PPL: variants seen among roughly 807,000 people sequenced by gnomAD.
PPL encodes the protein 190 kDa paraneoplastic pemphigus antigen.
In PPL, 198 loss-of-function variants were observed where a neutral mutation model predicts 194.4. The ratio of observed to expected loss-of-function variants is 1.02; its 90% CI spans 0.91 to 1.15. The LOEUF is 1.15. Among genes scored for constraint, PPL ranks in the 50% most tolerant of loss-of-function variants. The pLI is 0.00. For missense variants in PPL, 2,885 were observed against 2,294.8 expected (o/e 1.26, Z -5.25); for synonymous variants, 1,220 against 972.4 (o/e 1.25, Z -4.74).
intron 5 of PPL, 34 bp from the exon 6 acceptor site, chr16:4,900,905 A>G: frequency 5.0e-6 from 8 of 1,614,070 alleles, no homozygotes; most frequent in Non-Finnish European, 6.8e-6. Flanking sequence ...GGTCAGGGCC[A>G]GGAAGCAGGC....
intron 18 of PPL, 52 bp from the exon 19 acceptor site, chr16:4,889,113 AGC>A: frequency 6.7e-7 from 1 of 1,481,932 alleles, no homozygotes; most frequent in Non-Finnish European, 9.4e-7. Context: ...AATTTAAAAA[AGC>A]AACCATGGAT....
intron 1 of PPL, among the ~76,000 whole-genome samples, chr16:4,911,758 G>C (rs779601714): frequency 1.3e-5 from 2 of 151,902 alleles, no homozygotes; most frequent in Non-Finnish European, 2.9e-5. Flanking sequence ...GGCTGGTCTC[G>C]AACTCCTGAG....
At chr16:4,918,612 G>A (rs1007919867) in intron 1 of PPL, among the ~76,000 whole-genome samples, 1 of 152,150 alleles carries the variant, frequency 6.6e-6, no homozygotes, top group Non-Finnish European at 1.5e-5. Flanking sequence ...GTTACAGATG[G>A]GGAAATTGAG....
intron 4 of PPL, 133 bp from the exon 5 acceptor site, chr16:4,901,222 A>T (rs2088562589): frequency 1.0e-5 from 10 of 977,258 alleles, no homozygotes; most frequent in Non-Finnish European, 1.5e-5. Flanking sequence ...CCACAAGGAG[A>T]TGCTGGCCAC....
At chr16:4,933,094 C>G (rs1204430720) in intron 1 of PPL, among the ~76,000 whole-genome samples, 2 of 151,992 alleles carry the variant, frequency 1.3e-5, no homozygotes, top group Non-Finnish European at 2.9e-5. Flanking sequence ...CTCTGCCTCC[C>G]AGGTTCAAGG....
chr16:4,909,876 T>C (rs1178747455), intron 2 of PPL, among the ~76,000 whole-genome samples: 1 of 152,222 alleles, frequency 6.6e-6, no homozygotes, highest in Non-Finnish European at 1.5e-5. Flanking sequence ...TACTAAAACA[T>C]GATTTGTGTT....
intron 6 of PPL, among the ~76,000 whole-genome samples, chr16:4,900,503 G>A (rs1488288589): frequency 2.1e-5 from 3 of 142,998 alleles, no homozygotes; most frequent in Non-Finnish European, 3.0e-5. Flanking sequence ...GGAGTGGCAC[G>A]ATCACAGCTC....
chr16:4,906,820 C>G (rs1255261624), intron 2 of PPL, among the ~76,000 whole-genome samples: 1 of 152,224 alleles, frequency 6.6e-6, no homozygotes, highest in Non-Finnish European at 1.5e-5. Flanking sequence ...GCTTTCTAGA[C>G]AGTTACCCAT....
chr16:4,889,660 G>A (rs2088283952), intron 18 of PPL, among the ~76,000 whole-genome samples: 1 of 152,176 alleles, frequency 6.6e-6, no homozygotes, highest in Admixed American at 6.5e-5. Flanking sequence ...CTGTTCTGCT[G>A]TCTGACTTAG....
intron 6 of PPL, among the ~76,000 whole-genome samples, chr16:4,900,434 C>CTTTTTTTTTTTGTTT (rs2088538309): frequency 1.6e-5 from 1 of 61,678 alleles, no homozygotes; most frequent in Non-Finnish European, 3.1e-5. Context: ...TACTGCACGC[C>CTTTTTTTTTTTGTTT]TTTTTTTTTT....
At chr16:4,928,921 G>C (rs912165516) in intron 1 of PPL, among the ~76,000 whole-genome samples, 2 of 146,270 alleles carry the variant, frequency 1.4e-5, no homozygotes, top group African/African-American at 5.0e-5. Flanking sequence ...TGAGGCAGGA[G>C]AATCACTTGA....
chr16:4,899,154 C>T (rs749149899), intron 7 of PPL, 34 bp from the exon 8 acceptor site: 1 of 1,613,516 alleles, frequency 6.2e-7, no homozygotes, highest in African/African-American at 1.3e-5. Context: ...GCCTCAGTGC[C>T]CAGCCTGGCG....
In PPL at chr16:4,885,472, C is replaced by G. The variant is rs1443417972; in HGVS notation, c.3183G>C (p.Gln1061His). The G allele has an allele frequency of 3.1e-6, 5 of 1,612,404 alleles. No individual in the cohort carries two copies. Among genetic ancestry groups the G allele is most frequent in the Non-Finnish European group, 4.2e-6 (5 of 1,180,010 alleles). ...KVTEKEVVKL[Q>H]NDPQLEAEYQ... The stretch of plus-strand genomic sequence containing the variant: ...ACTCTGCCTCCAGCTGGGGGTCATT[C>G]TGCAGTTTCACCACCTCTTTCTCTG... Residue 1061 changes from glutamine to histidine, a missense_variant, in exon 22 of 22, where the codon CAG becomes CAC. Transcript: ENST00000345988. This position sits in a 1 kb window ranked among gnomAD's most constrained non-coding sequence, Gnocchi z 6.3.
intron 1 of PPL, among the ~76,000 whole-genome samples, chr16:4,931,569 C>T (rs1166176889): frequency 2.6e-5 from 4 of 152,126 alleles, no homozygotes; most frequent in Non-Finnish European, 4.4e-5. Flanking sequence ...CAAGACAGGC[C>T]GGGGCAGGCA....
At position 4,937,088 on chromosome 16, in the gene PPL, C is replaced by A. The variant is rs747555338; in HGVS notation, c.-43G>T. 3.6e-5 allele frequency: 45 copies of A among 1,242,472 alleles called. 1 individual carries two copies. In the South Asian group the frequency reaches 9.7e-4, roughly 27 times the overall value. 77.0% of individuals were successfully genotyped at this position (1,242,472 alleles called of 1,614,324 possible). On this transcript the variant is annotated 5_prime_UTR_variant, in exon 1 of 22. Coordinates refer to ENST00000345988, the MANE Select transcript of PPL (RefSeq NM_002705.5). ...GGGCGGCGGCGGCTGGCGGGCCGGG[C>A]GCGCACCGAGGGGCGGGCGGGAGCG... is the stretch of plus-strand genomic sequence containing the variant.
In PPL at chr16:4,894,477, G is replaced by A. The variant is rs905322634; in HGVS notation, c.1384C>T (p.Leu462=). ...CCTTTGCCCTTGTACCTGTCAGCCA[G>A]AGCCAGGGCCTCAGGGTCTGTGGGG... ...IPPTDPEALA[L]ADSLGSQYRS... The change falls in exon 12 of 22, where the codon CTG becomes TTG. Residue 462 remains leucine (L), a synonymous_variant. Coordinates refer to ENST00000345988, the MANE Select transcript of PPL (RefSeq NM_002705.5). 2 of 1,613,862 alleles carry A rather than the reference G, an allele frequency of 1.2e-6. No homozygotes were observed. The highest frequency in any genetic ancestry group is 1.7e-6 in the Non-Finnish European group (2 of 1,179,962).
chr16:4,885,049 G>C lies in PPL; in HGVS notation c.3606C>G (p.Tyr1202Ter), dbSNP rs2088188479. The change falls in exon 22 of 22, where the codon TAC (tyrosine) becomes TAG (stop). Residue 1202 changes from tyrosine (Y) to a stop codon, truncating the protein, a stop_gained. Transcript: ENST00000345988. LOFTEE classifies it high-confidence loss of function. The surrounding 1 kb of genome is among the most constrained non-coding windows in gnomAD (Gnocchi z 6.3). The part of the protein sequence containing the change: ...RLELVEQERK[Y>*]RGAEEQLRSY... ...TCCGGAGCTGCTCCTCGGCACCCCGGTACTTTCGCTCCTGCTCCACAAGCT... is the reference window on the plus strand; with the variant it reads ...TCCGGAGCTGCTCCTCGGCACCCCGCTACTTTCGCTCCTGCTCCACAAGCT... 1 of 1,613,444 alleles carries C rather than the reference G, an allele frequency of 6.2e-7. No homozygotes were observed. The highest frequency in any genetic ancestry group is 8.5e-7 in the Non-Finnish European group (1 of 1,180,032).
At chr16:4,890,956 G>A in intron 16 of PPL, 35 bp from the exon 17 acceptor site, 1 of 1,477,790 alleles carries the variant, frequency 6.8e-7, no homozygotes, top group Non-Finnish European at 9.0e-7. Flanking sequence ...CGGTGCTACG[G>A]CCAGAGCTCC....
Position 4,886,223 on chromosome 16 carries a change from G to T in PPL, c.2608-176C>A, listed in dbSNP as rs1284044980. On this transcript the variant is annotated intron_variant, in intron 21 of 21. Coordinates refer to ENST00000345988, the MANE Select transcript of PPL (RefSeq NM_002705.5). ...CAAAAAGGATCAAACAACTAGTTTG[G>T]GGTTTTTTTTAATCAGGTAAAACAT... 3.5e-5 allele frequency among the ~76,000 whole-genome samples: 5 copies of T among 143,058 alleles called. No individual in the cohort carries two copies. In the East Asian group the frequency reaches 9.6e-4, roughly 28 times the overall value. 93.9% of individuals were successfully genotyped at this position (143,058 alleles called of 152,430 possible).
Sources: gnomAD v4.1 joint callset for allele counts (sites outside exome capture counted in the v4.1 genomes callset) on GRCh38, gnomAD v4.1.1 for gene constraint, Gnocchi (gnomAD v3.1) non-coding constraint, MANE v1.5 for transcripts, NCBI Gene and HGNC (gene_info 2026-07-23, HGNC 2026-07-21) for gene names.